The following DSC3 variants were observed in gnomAD, a reference collection of about 807,000 sequenced individuals.
The protein encoded by DSC3 is desmocollin-3.
A neutral mutation model predicts 89.5 loss-of-function variants in DSC3; 97 were observed. The ratio of observed to expected loss-of-function variants is 1.08; its 90% CI spans 0.92 to 1.28. The LOEUF (loss-of-function observed/expected upper bound fraction) is 1.28. DSC3 is among the 50% of genes most tolerant of loss of function. The pLI, the probability that DSC3 is intolerant of heterozygous loss-of-function variation, is 0.00. For synonymous variants in DSC3, 436 were observed against 384.1 expected (o/e 1.14, Z -1.58); for missense variants, 1,199 against 1,085.3 (o/e 1.10, Z -1.47).
At chr18:31,011,863 T>A in intron 9 of DSC3, among the ~76,000 whole-genome samples, 1 of 146,046 alleles carries the variant, frequency 6.8e-6, no homozygotes, top group Non-Finnish European at 1.5e-5. Flanking sequence ...CATGGAGGCA[T>A]GCGCCTGTAG....
intron 12 of DSC3, among the ~76,000 whole-genome samples, chr18:31,004,932 ACT>A (rs1984789059): frequency 6.6e-6 from 1 of 152,106 alleles, no homozygotes; most frequent in South Asian, 2.1e-4. Flanking sequence ...ACTTTTATCA[ACT>A]CTGATAGTCA....
intron 9 of DSC3, among the ~76,000 whole-genome samples, chr18:31,010,362 G>C (rs1313591): frequency 0.28 from 42,266 of 152,046 alleles, 6,369 homozygotes; most frequent in East Asian, 0.59. Context: ...TGCTGGCAAT[G>C]AGAAATGGAT....
intron 12 of DSC3, among the ~76,000 whole-genome samples, chr18:31,006,668 T>C (rs1265647187): frequency 6.6e-6 from 1 of 152,188 alleles, no homozygotes; most frequent in Non-Finnish European, 1.5e-5. Flanking sequence ...CTGCCCAACA[T>C]TTTAACAAAG....
At chr18:31,002,700 CAAA>C (rs78660458) in intron 13 of DSC3, among the ~76,000 whole-genome samples, 27 of 87,074 alleles carry the variant, frequency 3.1e-4, no homozygotes, top group East Asian at 7.8e-4. Flanking sequence ...AACTCTGCCT[CAAA>C]AAAAAAAAAA....
At chr18:31,030,748 G>A (rs767647343) in intron 3 of DSC3, among the ~76,000 whole-genome samples, 1 of 151,298 alleles carries the variant, frequency 6.6e-6, no homozygotes, top group Non-Finnish European at 1.5e-5. Flanking sequence ...AAGGGGAAAA[G>A]GAAGGGGAAG....
chr18:31,032,222 T>C lies in DSC3; in HGVS notation c.124A>G (p.Lys42Glu). 1 of 1,613,752 alleles carries C rather than the reference T, an allele frequency of 6.2e-7. No individual in the cohort carries two copies. The highest frequency in any genetic ancestry group is 8.5e-7 in the Non-Finnish European group (1 of 1,179,700). Residue 42 changes from lysine (K) to glutamate (E), a missense_variant, in exon 2 of 16, where the codon AAA (lysine) becomes GAA (glutamate). Lys to Glu is a moderately conservative substitution (Grantham distance 56). Coordinates refer to ENST00000360428, the MANE Select transcript of DSC3 (RefSeq NM_001941.5). ...CCAATTATTTTGTCTGCCTCTAGTT[T>C]AGAAGGTACATTAAGTATCACCTTT... ...CKKVILNVPS[K>E]LEADKIIGRV...
At chr18:31,036,798 C>CTTTCTTTCTTTTT (rs1555635105) in intron 1 of DSC3, among the ~76,000 whole-genome samples, 9 of 107,438 alleles carry the variant, frequency 8.4e-5, no homozygotes, top group African/African-American at 3.2e-4. Context: ...TTCTTTCTTC[C>CTTTCTTTCTTTTT]TTTTTTTTTT....
At chr18:30,996,290 G>A (rs1984463055) in intron 15 of DSC3, among the ~76,000 whole-genome samples, 1 of 152,096 alleles carries the variant, frequency 6.6e-6, no homozygotes, top group African/African-American at 2.4e-5. Flanking sequence ...ATTCTACATT[G>A]CAGACATAAA....
intron 13 of DSC3, among the ~76,000 whole-genome samples, chr18:31,003,166 ACT>A (rs754209057): frequency 6.6e-6 from 1 of 151,958 alleles, no homozygotes; most frequent in African/African-American, 2.4e-5. Context: ...CTCAGACCTA[ACT>A]CTCTATTGAA....
At chr18:31,003,900 A>G (rs537859066) in intron 13 of DSC3, among the ~76,000 whole-genome samples, 1 of 152,330 alleles carries the variant, frequency 6.6e-6, no homozygotes, top group South Asian at 2.1e-4. Flanking sequence ...TTTGTTTGTC[A>G]GATTCTGTGA....
chr18:31,012,166 A>G (rs1985092633), intron 9 of DSC3, among the ~76,000 whole-genome samples: 1 of 152,168 alleles, frequency 6.6e-6, no homozygotes, highest in Admixed American at 6.5e-5. Flanking sequence ...AATTTTATTA[A>G]TCAAAATGTT....
intron 11 of DSC3, 23 bp downstream of exon 11, chr18:31,007,993 C>G (rs1200061952): frequency 6.3e-7 from 1 of 1,586,692 alleles, no homozygotes; most frequent in African/African-American, 1.3e-5. Flanking sequence ...TTATAGAATA[C>G]CAGATTAAAA....
intron 14 of DSC3, among the ~76,000 whole-genome samples, chr18:30,997,344 C>T (rs903404609): frequency 3.9e-5 from 6 of 152,052 alleles, no homozygotes; most frequent in Non-Finnish European, 7.4e-5. Context: ...GGGCCCATCC[C>T]ATGGCAGAAG....
chr18:31,031,239 T>G (rs1985783152), intron 2 of DSC3, 67 bp from the exon 3 acceptor site: 12 of 1,108,694 alleles, frequency 1.1e-5, no homozygotes, highest in Non-Finnish European at 1.4e-5. Context: ...TTAAAATAAT[T>G]TATATAATAT....
chr18:31,041,695 C>T (rs929617351), intron 1 of DSC3, among the ~76,000 whole-genome samples: 3 of 152,240 alleles, frequency 2.0e-5, no homozygotes, highest in African/African-American at 7.2e-5. Context: ...CGCCAGAGTT[C>T]CGAACACTTC....
At chr18:31,034,530 A>G (rs565868293) in intron 1 of DSC3, among the ~76,000 whole-genome samples, 169 of 152,332 alleles carry the variant, frequency 1.1e-3, no homozygotes, top group African/African-American at 3.7e-3. Context: ...ACTCTTCCTA[A>G]AAGACATAAA....
At chr18:30,995,968 C>A (rs1440108401) in intron 15 of DSC3, among the ~76,000 whole-genome samples, 1 of 38,768 alleles carries the variant, frequency 2.6e-5, no homozygotes, top group Non-Finnish European at 4.4e-5. Context: ...CAAGACCCTG[C>A]CTTAAAAAAA....
chr18:31,014,889 T>C (rs144775382), intron 9 of DSC3, among the ~76,000 whole-genome samples: 1 of 152,206 alleles, frequency 6.6e-6, no homozygotes, highest in Non-Finnish European at 1.5e-5. Context: ...TTGAGGAAGT[T>C]ATTTACCTTC....
At chr18:31,018,374 CTA>C in intron 8 of DSC3, 118 bp from the exon 9 acceptor site, 1 of 831,402 alleles carries the variant, frequency 1.2e-6, no homozygotes, top group Non-Finnish European at 1.8e-6. Context: ...TATTTTAAAA[CTA>C]TGAATCGTAA....
Sources: gnomAD v4.1 joint callset for allele counts (sites outside exome capture counted in the v4.1 genomes callset) on GRCh38, gnomAD v4.1.1 for gene constraint, MANE v1.5 for transcripts, NCBI Gene and HGNC (gene_info 2026-07-23, HGNC 2026-07-21) for gene names.